The following CSRNP3 variants were observed in gnomAD, a reference collection of about 807,000 sequenced individuals.
The protein encoded by CSRNP3 is cysteine and serine rich nuclear protein 3.
CSRNP3 carries 12 observed loss-of-function variants against 48.0 expected under a neutral mutation model. That is an observed-to-expected ratio of 0.25 (90% CI 0.16 to 0.41). The LOEUF (loss-of-function observed/expected upper bound fraction) is 0.41. Among genes scored for constraint, CSRNP3 ranks in the 10% least tolerant of loss-of-function variants. CSRNP3 has a pLI of 1.00. For missense variants in CSRNP3, 580 were observed against 724.4 expected (o/e 0.80, Z 2.29); for synonymous variants, 263 against 269.7 (o/e 0.98, Z 0.24).
intron 4 of CSRNP3, among the ~76,000 whole-genome samples, chr2:165,606,078 AAAAT>A (rs548996642): frequency 3.2e-4 from 49 of 152,166 alleles, no homozygotes; most frequent in African/African-American, 1.1e-3. Flanking sequence ...GCCATATATG[AAAAT>A]AAATTCCCAA....
intron 3 of CSRNP3, among the ~76,000 whole-genome samples, chr2:165,588,941 G>A (rs753457972): frequency 3.3e-5 from 5 of 152,046 alleles, no homozygotes; most frequent in Non-Finnish European, 7.4e-5. Context: ...CAGACTAGGC[G>A]ACAGAAACCC....
At chr2:165,638,128 A>G (rs1210643809) in intron 4 of CSRNP3, among the ~76,000 whole-genome samples, 1 of 152,228 alleles carries the variant, frequency 6.6e-6, no homozygotes, top group Non-Finnish European at 1.5e-5. Flanking sequence ...TCAATATTTC[A>G]TTATTATATT....
chr2:165,548,412 A>G (rs1385449214), intron 3 of CSRNP3, among the ~76,000 whole-genome samples: 2 of 152,100 alleles, frequency 1.3e-5, no homozygotes, highest in African/African-American at 4.8e-5. Flanking sequence ...TGGCAATACT[A>G]CTATCTGACA....
rs1687582313 is a variant in CSRNP3 at position 165,683,650 on chromosome 2, C to T, written c.*3897C>T. The stretch of plus-strand genomic sequence containing the variant: ...ATTAAGTATCAATTCTTTCTTTCAA[C>T]AAATATGTACTGAACACATGCTGTG... On this transcript the variant is annotated 3_prime_UTR_variant, in exon 7 of 7. Coordinates refer to ENST00000651982, the MANE Select transcript of CSRNP3 (RefSeq NM_001172173.2). 1 of 151,960 alleles carries T rather than the reference C, an allele frequency of 6.6e-6. No individual in the cohort carries two copies. The highest frequency in any genetic ancestry group is 1.5e-5 in the Non-Finnish European group (1 of 67,960). The allele number at this position is 151,960 out of a possible 1,614,324, so 9.4% of individuals were successfully genotyped here. A position where few individuals can be genotyped will look rare whatever the true frequency, so the allele number is the denominator to read the frequency against.
Position 165,602,806 on chromosome 2 carries a change from T to A in CSRNP3, c.148+7593T>A, listed in dbSNP as rs116732957. ...CTACAAGGTTCATATCAAATATTTCTTTCTCCATAAAAACTTCACCAAGTC... is the reference window on the plus strand; with the variant it reads ...CTACAAGGTTCATATCAAATATTTCATTCTCCATAAAAACTTCACCAAGTC... On this transcript the variant is annotated intron_variant, in intron 4 of 6. Coordinates refer to ENST00000651982, the MANE Select transcript of CSRNP3 (RefSeq NM_001172173.2). Among the ~76,000 whole-genome samples, 970 of 152,358 alleles carry A rather than the reference T, an allele frequency of 6.4e-3. 9 individuals carry two copies. The highest frequency in any genetic ancestry group is 0.023 in the African/African-American group (936 of 41,592).
In CSRNP3 at chr2:165,679,981, C is replaced by G. The variant is rs1687506702; in HGVS notation, c.*228C>G. 1.2e-5 allele frequency: 7 copies of G among 589,488 alleles called. No individual in the cohort carries two copies. The highest frequency in any genetic ancestry group is 2.8e-5 in the South Asian group (1 of 35,638). 36.5% of individuals were successfully genotyped at this position (589,488 alleles called of 1,614,324 possible). ...TTTCAGACTGTTTTGATAGAAAAAG[C>G]TAAATTTTAAAATGCATATCTCACA... On this transcript the variant is annotated 3_prime_UTR_variant, in exon 7 of 7. Transcript: ENST00000651982.
rs2105371652 is a variant in CSRNP3, at chr2:165,685,344, A to G, written c.*5591A>G. On this transcript the variant is annotated 3_prime_UTR_variant, in exon 7 of 7. Transcript: ENST00000651982. Reference sequence around the variant, plus strand: ...TTTTTTTCCAGAAATTCAAGCTGAAACATTTGATATGACCTGTGTTTTACC... The same window carrying G: ...TTTTTTTCCAGAAATTCAAGCTGAAGCATTTGATATGACCTGTGTTTTACC... The G allele has an allele frequency of 6.6e-6, 1 of 152,132 alleles. No homozygotes were observed. Among genetic ancestry groups the G allele is most frequent in the Middle Eastern group, 3.4e-3 (1 of 294 alleles). 9.4% of individuals were successfully genotyped at this position (152,132 alleles called of 1,614,324 possible).
At chr2:165,519,458 C>T (rs1009314376) in intron 3 of CSRNP3, among the ~76,000 whole-genome samples, 1 of 152,166 alleles carries the variant, frequency 6.6e-6, no homozygotes, top group Non-Finnish European at 1.5e-5. Flanking sequence ...AATGCAGACT[C>T]AGCTTGAAGT....
chr2:165,471,092 A>G (rs1036532258), intron 1 of CSRNP3, among the ~76,000 whole-genome samples: 17 of 151,956 alleles, frequency 1.1e-4, no homozygotes, highest in Admixed American at 5.3e-4. Flanking sequence ...AATGAGTGAG[A>G]AAATTGCTGA....
intron 3 of CSRNP3, chr2:165,574,284 GC>G: frequency 8.6e-7 from 1 of 1,157,754 alleles, no homozygotes; most frequent in South Asian, 1.4e-5. Flanking sequence ...AGGTCACAGG[GC>G]TGGTGGAAAG....
intron 4 of CSRNP3, among the ~76,000 whole-genome samples, chr2:165,603,975 A>G (rs1447789990): frequency 1.3e-5 from 2 of 152,202 alleles, no homozygotes; most frequent in African/African-American, 4.8e-5. Context: ...GGCTCTCAAA[A>G]TGAGTTTTGA....
intron 3 of CSRNP3, among the ~76,000 whole-genome samples, chr2:165,530,434 G>A (rs970362461): frequency 1.3e-5 from 2 of 152,056 alleles, no homozygotes; most frequent in African/African-American, 4.8e-5. Context: ...CAGAAAAAAT[G>A]TAAAGAAAAA....
At chr2:165,649,164 T>C (rs2046071017) in intron 4 of CSRNP3, among the ~76,000 whole-genome samples, 1 of 152,252 alleles carries the variant, frequency 6.6e-6, no homozygotes, top group Non-Finnish European at 1.5e-5. Context: ...TTGTTCTTGT[T>C]GTTTAAATGC....
chr2:165,485,398 A>C (rs993037390), intron 1 of CSRNP3, among the ~76,000 whole-genome samples: 3 of 152,248 alleles, frequency 2.0e-5, no homozygotes, highest in African/African-American at 7.2e-5. Context: ...ACTGATAAAC[A>C]TAAGGTACAA....
chr2:165,580,351 T>C (rs1685523841), intron 3 of CSRNP3, among the ~76,000 whole-genome samples: 2 of 152,160 alleles, frequency 1.3e-5, no homozygotes, highest in Non-Finnish European at 2.9e-5. Flanking sequence ...TATATATTAT[T>C]TTTTTACTAA....
chr2:165,583,346 CAACA>C (rs997698509), intron 3 of CSRNP3, among the ~76,000 whole-genome samples: 8 of 152,204 alleles, frequency 5.3e-5, no homozygotes, highest in African/African-American at 1.9e-4. Flanking sequence ...TCATGCCTTC[CAACA>C]AACAATTACA....
At chr2:165,541,848 G>A (rs530976430) in intron 3 of CSRNP3, among the ~76,000 whole-genome samples, 1 of 152,004 alleles carries the variant, frequency 6.6e-6, no homozygotes, top group African/African-American at 2.4e-5. Context: ...AGGTAATGGG[G>A]TATACAGCCA....
intron 4 of CSRNP3, among the ~76,000 whole-genome samples, chr2:165,643,166 G>T (rs1157687820): frequency 6.6e-6 from 1 of 152,066 alleles, no homozygotes; most frequent in Non-Finnish European, 1.5e-5. Flanking sequence ...CCAGATGCTT[G>T]GAATCTATGA....
chr2:165,566,038 G>C (rs575919714), intron 3 of CSRNP3, among the ~76,000 whole-genome samples: 2 of 152,002 alleles, frequency 1.3e-5, no homozygotes, highest in Non-Finnish European at 2.9e-5. Context: ...CAAAATCTAT[G>C]AATCTCCCAT....
Sources: allele counts gnomAD v4.1 joint callset (sites outside exome capture counted in the v4.1 genomes callset), GRCh38; gene constraint gnomAD v4.1.1; transcripts MANE v1.5; gene names NCBI Gene and HGNC (gene_info 2026-07-23, HGNC 2026-07-21).